Variants in ZNF385C observed in about 807,000 individuals in gnomAD.
The protein encoded by ZNF385C is CTD-2132N18.2.
Under a neutral mutation model 35.4 loss-of-function variants are expected in ZNF385C, and 28 were observed. The observed-to-expected ratio is 0.79, with a 90% CI of 0.59 to 1.08. The LOEUF is 1.08. ZNF385C is among the 50% of genes least tolerant of loss of function. The pLI is 0.00. For synonymous variants in ZNF385C, 248 were observed against 248.2 expected (o/e 1.00, Z 0.01); for missense variants, 605 against 595.6 (o/e 1.02, Z -0.16).
chr17:42,088,156 C>T (rs2053828639), intron 1 of ZNF385C, among the ~76,000 whole-genome samples: 2 of 152,168 alleles, frequency 1.3e-5, no homozygotes, highest in African/African-American at 4.8e-5. Flanking sequence ...TGCTAAATAA[C>T]ACAAGTGTAG....
chr17:42,055,230 G>C (rs1186287294), intron 2 of ZNF385C, among the ~76,000 whole-genome samples: 1 of 152,198 alleles, frequency 6.6e-6, no homozygotes, highest in Non-Finnish European at 1.5e-5. Context: ...TGTTAGGAAG[G>C]GGCTCTGGGG....
chr17:42,086,275 C>T (rs2053806729), intron 1 of ZNF385C, among the ~76,000 whole-genome samples: 1 of 151,892 alleles, frequency 6.6e-6, no homozygotes, highest in Non-Finnish European at 1.5e-5. Flanking sequence ...CCCTGTAAGC[C>T]TAGCTACTCG....
chr17:42,051,606 G>A (rs2053282341), intron 2 of ZNF385C, among the ~76,000 whole-genome samples: 1 of 152,100 alleles, frequency 6.6e-6, no homozygotes, highest in Non-Finnish European at 1.5e-5. Flanking sequence ...AGGTGTGGAG[G>A]CCATTCAGAG....
intron 1 of ZNF385C, among the ~76,000 whole-genome samples, chr17:42,093,183 G>A (rs1353172838): frequency 1.3e-5 from 2 of 152,184 alleles, no homozygotes; most frequent in Non-Finnish European, 1.5e-5. Context: ...TGGGGCAGTT[G>A]GCAGAAATAT....
intron 4 of ZNF385C, 135 bp downstream of exon 4, chr17:42,034,090 G>T: frequency 1.4e-6 from 1 of 721,958 alleles, no homozygotes; most frequent in Non-Finnish European, 2.4e-6. Flanking sequence ...TGCCTCTTCT[G>T]CAGCCAGGGT....
intron 2 of ZNF385C, chr17:42,040,244 A>G: frequency 5.7e-6 from 7 of 1,231,550 alleles, no homozygotes; most frequent in Non-Finnish European, 7.1e-6. Context: ...TTCCGCATGG[A>G]GTCCAGGAAG....
intron 2 of ZNF385C, among the ~76,000 whole-genome samples, chr17:42,048,365 C>A (rs1026787137): frequency 1.6e-5 from 2 of 123,362 alleles, no homozygotes; most frequent in South Asian, 3.0e-4. Flanking sequence ...ATAGGGAGAA[C>A]CTGTCTTTAC....
rs185982684 is a variant in ZNF385C at position 42,080,256 on chromosome 17, G to A, written c.-2-17198C>T. 3.1e-4 allele frequency among the ~76,000 whole-genome samples: 47 copies of A among 152,286 alleles called. No individual in the cohort carries two copies. The East Asian group carries it at 8.3e-3, about 27-fold the overall frequency. On this transcript the variant is annotated intron_variant, in intron 1 of 8. Coordinates refer to ENST00000692273, the MANE Select transcript of ZNF385C (RefSeq NM_001392013.1). Reference sequence around the variant, plus strand: ...AGCCTGAGGATCCAGGGGTCCTCACGGGGACCTTGGCCACCTTTCCTCTTA... The same window carrying A: ...AGCCTGAGGATCCAGGGGTCCTCACAGGGACCTTGGCCACCTTTCCTCTTA...
chr17:42,081,950 C>T (rs1193012102), intron 1 of ZNF385C, among the ~76,000 whole-genome samples: 1 of 152,204 alleles, frequency 6.6e-6, no homozygotes, highest in Non-Finnish European at 1.5e-5. Flanking sequence ...GCTCCAGAGA[C>T]TGGCTCTCAG....
intron 3 of ZNF385C, among the ~76,000 whole-genome samples, chr17:42,036,305 C>T (rs1224179411): frequency 6.6e-6 from 1 of 151,700 alleles, no homozygotes; most frequent in Non-Finnish European, 1.5e-5. Flanking sequence ...AGCTTCTTTT[C>T]CTTATTTTAA....
Position 42,029,018 on chromosome 17 carries a change from A to C in ZNF385C, c.732T>G (p.Pro244=). The C allele has an allele frequency of 6.4e-7, 1 of 1,550,390 alleles. No homozygotes were observed. The highest frequency in any genetic ancestry group is 8.7e-7 in the Non-Finnish European group (1 of 1,147,004). Residue 244 remains proline (P), a synonymous_variant, in exon 6 of 9, where the codon CCT becomes CCG. Transcript: ENST00000692273. ...PPLQPPPTPD[P]TCREPAHSEL... is the part of the protein sequence containing the mutation. ...CTGAGTGGGCTGGCTCCCTGCATGT[A>C]GGGTCTGGAGTTGGTGGTGGCTGGA...
At position 42,027,927 on chromosome 17, in the gene ZNF385C, C is replaced by T. The variant is rs563930327; in HGVS notation, c.1164+123G>A. On this transcript the variant is annotated intron_variant, in intron 7 of 8. Coordinates refer to ENST00000692273, the MANE Select transcript of ZNF385C (RefSeq NM_001392013.1). ...CTTAATTGGCCCACTGGCCTGCTGG[C>T]CTCGCTTCTCCAGCCTGCTCTGCTG... is the stretch of plus-strand genomic sequence containing the variant. 18 of 1,340,544 alleles carry T rather than the reference C, an allele frequency of 1.3e-5. No homozygotes were observed. The South Asian group carries it at 2.3e-4, about 17-fold the overall frequency. 83.0% of individuals were successfully genotyped at this position (1,340,544 alleles called of 1,614,324 possible). A position where few individuals can be genotyped will look rare whatever the true frequency, so the allele number is the denominator to read the frequency against.
rs550425213 is a variant in ZNF385C, at chr17:42,067,750, C to A, written c.-2-4692G>T. On this transcript the variant is annotated intron_variant, in intron 1 of 8. Transcript: ENST00000692273. ...CCTCTCCATGTCCTCCCCAACTCTCCCAGCAGGAGGAGGCAGGAAGAAGGT... is the reference window on the plus strand; with the variant it reads ...CCTCTCCATGTCCTCCCCAACTCTCACAGCAGGAGGAGGCAGGAAGAAGGT... Among the ~76,000 whole-genome samples the A allele has an allele frequency of 2.0e-5, 3 of 152,250 alleles. No individual in the cohort carries two copies. The East Asian group carries it at 5.8e-4, about 29-fold the overall frequency.
chr17:42,027,680 TG>T lies in ZNF385C; in HGVS notation c.1212del (p.Lys405SerfsTer17). 6.2e-7 allele frequency: 1 copy of T among 1,612,534 alleles called. No individual in the cohort carries two copies. Among genetic ancestry groups the T allele is most frequent in the South Asian group, 1.1e-5 (1 of 90,970 alleles). ...RHKDRLAGKTPKPSSQHSKLQ... is the reference protein window; with the variant it reads ...RHKDRLAGKTXKPSSQHSKLQ... ...AGCTTGCTGTGCTGGCTGGAGGGCTTGGGGGTCTTCCCGGCCAGGCGGTCTT... is the reference window on the plus strand; with the variant it reads ...AGCTTGCTGTGCTGGCTGGAGGGCTTGGGGTCTTCCCGGCCAGGCGGTCTT... On this transcript the variant is annotated frameshift_variant, in exon 8 of 9. Transcript: ENST00000692273. LOFTEE classifies it high-confidence loss of function.
chr17:42,037,663 G>C, intron 3 of ZNF385C, 74 bp downstream of exon 3: 1 of 1,440,164 alleles, frequency 6.9e-7, no homozygotes. Context: ...CTGAGAGCTG[G>C]ACCCTCTGAA....
intron 2 of ZNF385C, chr17:42,039,653 C>A: frequency 8.1e-7 from 1 of 1,229,644 alleles, no homozygotes; most frequent in South Asian, 4.1e-5. Context: ...TAGGTTGGCC[C>A]TTACAGTGCC....
At chr17:42,034,193 T>A in intron 4 of ZNF385C, 32 bp downstream of exon 4, 1 of 1,524,802 alleles carries the variant, frequency 6.6e-7, no homozygotes. Flanking sequence ...CCCAGCCCCC[T>A]CCCCAGACCT....
Position 42,058,644 on chromosome 17 carries a change from C to A in ZNF385C, c.250+4163G>T, listed in dbSNP as rs374555557. 1.2e-4 allele frequency among the ~76,000 whole-genome samples: 19 copies of A among 152,298 alleles called. No individual in the cohort carries two copies. In the South Asian group the frequency reaches 3.9e-3, roughly 32 times the overall value. ...CTCGCCCTGCCCCCCACCTCAGGGGCAGTTGCTGGCATCTTTTTTTATTTT... is the reference window on the plus strand; with the variant it reads ...CTCGCCCTGCCCCCCACCTCAGGGGAAGTTGCTGGCATCTTTTTTTATTTT... On this transcript the variant is annotated intron_variant, in intron 2 of 8. Transcript: ENST00000692273.
chr17:42,029,676 T>C (rs1555654783), intron 5 of ZNF385C, among the ~76,000 whole-genome samples: 1 of 151,560 alleles, frequency 6.6e-6, no homozygotes, highest in Non-Finnish European at 1.5e-5. Flanking sequence ...ATCACACCAC[T>C]GCACTCCAGC....
Sources: allele counts gnomAD v4.1 joint callset (sites outside exome capture counted in the v4.1 genomes callset), GRCh38; gene constraint gnomAD v4.1.1; transcripts MANE v1.5; gene names NCBI Gene and HGNC (gene_info 2026-07-23, HGNC 2026-07-21).